BACH2: variants seen among roughly 807,000 people sequenced by gnomAD.
The protein encoded by BACH2 is BACH transcriptional regulator 2, also known as transcription regulator protein BACH2.
A neutral mutation model predicts 61.8 loss-of-function variants in BACH2; 5 were observed. The observed-to-expected ratio is 0.08, with a 90% CI of 0.04 to 0.17. The LOEUF is 0.17. Among genes scored for constraint, BACH2 ranks in the 10% least tolerant of loss-of-function variants. The probability of loss-of-function intolerance (pLI) is 1.00; values close to 1 mark genes in which losing one functional copy is unlikely to be tolerated. For synonymous variants in BACH2, 446 were observed against 440.1 expected (o/e 1.01, Z -0.17); for missense variants, 824 against 1,091.1 (o/e 0.76, Z 3.45).
chr6:90,240,036 A>G (rs1310569820), intron 3 of BACH2, among the ~76,000 whole-genome samples: 2 of 152,164 alleles, frequency 1.3e-5, no homozygotes, highest in African/African-American at 2.4e-5. Context: ...CTACTTCTAT[A>G]TTGTTACAGA....
chr6:90,204,193 G>C (rs929339837), intron 4 of BACH2, among the ~76,000 whole-genome samples: 1 of 152,154 alleles, frequency 6.6e-6, no homozygotes, highest in Non-Finnish European at 1.5e-5. Context: ...CTGGGATTTA[G>C]GAAGAAAGGA....
chr6:90,150,358 A>G (rs1784773165), intron 4 of BACH2, among the ~76,000 whole-genome samples: 2 of 152,230 alleles, frequency 1.3e-5, no homozygotes, highest in Admixed American at 1.3e-4. Context: ...GGAGCCTCAG[A>G]GTCTACTGAG....
chr6:90,091,562 A>G (rs1052208521), intron 4 of BACH2, among the ~76,000 whole-genome samples: 2 of 152,154 alleles, frequency 1.3e-5, no homozygotes, highest in Non-Finnish European at 2.9e-5. Context: ...ATGTATATTT[A>G]ACCTTACAGG....
rs536244978 is a variant in BACH2, at chr6:90,164,865, G to A, written c.-162+41704C>T. Among the ~76,000 whole-genome samples the A allele has an allele frequency of 1.8e-3, 278 of 152,050 alleles. 1 individual carries two copies. Among genetic ancestry groups the A allele is most frequent in the African/African-American group, 6.1e-3 (253 of 41,490 alleles). The stretch of plus-strand genomic sequence containing the variant: ...AAGGCCTTTGACAAAATTCAACAAC[G>A]CTTCATGCTAAAAACTCTCAATAAA... On this transcript the variant is annotated intron_variant, in intron 4 of 8. Coordinates refer to ENST00000257749, the MANE Select transcript of BACH2 (RefSeq NM_021813.4).
intron 5 of BACH2, among the ~76,000 whole-genome samples, chr6:90,069,690 G>T (rs566537379): frequency 3.3e-5 from 5 of 152,314 alleles, no homozygotes; most frequent in South Asian, 4.1e-4. Flanking sequence ...GAACAAGGAA[G>T]TTATGGAGAA....
rs368176638 is a variant in BACH2 at position 89,951,360 on chromosome 6, C to T, written c.746G>A (p.Ser249Asn). Residue 249 changes from serine to asparagine, a missense_variant, in exon 7 of 9, where the codon AGT becomes AAT. By Grantham distance (46) the Ser-to-Asn change is conservative. Around this residue, in one of 8 missense-constraint regions of BACH2, gnomAD observed 226 missense variants for 228.5 expected, o/e 0.99. Coordinates refer to ENST00000257749, the MANE Select transcript of BACH2 (RefSeq NM_021813.4). The surrounding 1 kb of genome is among the most constrained non-coding windows in gnomAD (Gnocchi z 6.4). ...GAATGTGCTTGCAAAACCTGAGGTA[C>T]TGTGTGATGATGCATTATAGACATT... ...TKNVYNASSH[S>N]TSGFASTFRE... 2 of 1,614,114 alleles carry T rather than the reference C, an allele frequency of 1.2e-6. No homozygotes were observed. Among genetic ancestry groups the T allele is most frequent in the Non-Finnish European group, 1.7e-6 (2 of 1,180,044 alleles).
chr6:90,259,953 C>A (rs1287780342), intron 2 of BACH2, among the ~76,000 whole-genome samples: 1 of 149,682 alleles, frequency 6.7e-6, no homozygotes, highest in Admixed American at 6.6e-5. Context: ...TTTCTTTTTT[C>A]TTTGTTAGAC....
At chr6:90,193,991 G>A (rs567421632) in intron 4 of BACH2, among the ~76,000 whole-genome samples, 1 of 152,152 alleles carries the variant, frequency 6.6e-6, no homozygotes, top group African/African-American at 2.4e-5. Flanking sequence ...AATAGAAGTA[G>A]AATTTCCTCA....
At chr6:90,169,113 G>C (rs965462318) in intron 4 of BACH2, among the ~76,000 whole-genome samples, 1 of 151,640 alleles carries the variant, frequency 6.6e-6, no homozygotes, top group Non-Finnish European at 1.5e-5. Flanking sequence ...ACAGTTTGGA[G>C]CTGCAGGTAT....
intron 3 of BACH2, among the ~76,000 whole-genome samples, chr6:90,218,930 T>TGC (rs1431995519): frequency 6.6e-6 from 1 of 150,468 alleles, no homozygotes; most frequent in African/African-American, 2.5e-5. Context: ...CGTGTGTGTG[T>TGC]GTGTGTGTGT....
intron 3 of BACH2, among the ~76,000 whole-genome samples, chr6:90,207,719 T>C (rs778386003): frequency 6.6e-6 from 1 of 152,202 alleles, no homozygotes; most frequent in Non-Finnish European, 1.5e-5. Context: ...TAGAAAATGT[T>C]CAACAGGAAA....
chr6:89,995,857 A>G (rs1776817545), intron 6 of BACH2, among the ~76,000 whole-genome samples: 1 of 152,234 alleles, frequency 6.6e-6, no homozygotes, highest in Non-Finnish European at 1.5e-5. Flanking sequence ...AAGGTAATTT[A>G]GGGAGCAACT....
At position 89,932,653 on chromosome 6, in the gene BACH2, C is replaced by T. The variant is rs374620073; in HGVS notation, c.2281G>A (p.Ala761Thr). Residue 761 changes from alanine to threonine, a missense_variant, in exon 9 of 9, where the codon GCA becomes ACA. Transcript: ENST00000257749. ...AEQNIAASQC[A>T]VGENVPCCLE... The stretch of plus-strand genomic sequence containing the variant: ...CAGCAGGGCACGTTTTCCCCCACTG[C>T]GCATTGGGAGGCCGCAATGTTCTGC... The T allele has an allele frequency of 1.2e-5, 19 of 1,614,138 alleles. No individual in the cohort carries two copies. Among genetic ancestry groups the T allele is most frequent in the East Asian group, 6.7e-5 (3 of 44,860 alleles).
At position 89,950,585 on chromosome 6, in the gene BACH2, G is replaced by A; in HGVS notation, c.1521C>T (p.Cys507=). ...TGGTCTCCAAGGGGGGTGAGCGAGG[G>A]CAGACTTTGATTGGTACCGGGCAGC... The part of the protein sequence containing the change: ...NTSCPVPIKV[C]PRSPPLETRT... The change falls in exon 7 of 9, where the codon TGC becomes TGT. Residue 507 remains cysteine, a synonymous_variant. Coordinates refer to ENST00000257749, the MANE Select transcript of BACH2 (RefSeq NM_021813.4). The surrounding 1 kb of genome is among the most constrained non-coding windows in gnomAD (Gnocchi z 5.3). 6.2e-7 allele frequency: 1 copy of A among 1,611,880 alleles called. No individual in the cohort carries two copies. The highest frequency in any genetic ancestry group is 2.2e-5 in the East Asian group (1 of 44,832).
At position 90,296,494 on chromosome 6, in the gene BACH2, T is replaced by G. The variant is rs894557608; in HGVS notation, c.-460A>C. The stretch of plus-strand genomic sequence containing the variant: ...CCGGGACTCACCTCGCCGGAGAACT[T>G]TGCGTCCTTTTCCGCCTCCTCTTCC... On this transcript the variant is annotated 5_prime_UTR_variant, in exon 1 of 9. Transcript: ENST00000257749. 6.6e-6 allele frequency: 1 copy of G among 151,092 alleles called. No individual in the cohort carries two copies. Among genetic ancestry groups the G allele is most frequent in the Non-Finnish European group, 1.5e-5 (1 of 67,586 alleles). The allele number at this position is 151,092 out of a possible 1,614,324, so 9.4% of individuals were successfully genotyped here.
chr6:90,095,084 C>A (rs1407601287), intron 4 of BACH2, among the ~76,000 whole-genome samples: 3 of 152,134 alleles, frequency 2.0e-5, no homozygotes, highest in Non-Finnish European at 4.4e-5. Context: ...TGGTAACAAA[C>A]ATCTTGAGAG....
intron 5 of BACH2, among the ~76,000 whole-genome samples, chr6:90,063,866 AATG>A (rs1780811742): frequency 6.6e-6 from 1 of 152,122 alleles, no homozygotes; most frequent in African/African-American, 2.4e-5. Flanking sequence ...TTTTTCATCT[AATG>A]ATATTTCAGA....
chr6:90,164,873 C>G (rs555929369), intron 4 of BACH2, among the ~76,000 whole-genome samples: 3,827 of 152,250 alleles, frequency 0.025, 81 homozygotes, highest in East Asian at 0.088. Flanking sequence ...ACGCTTCATG[C>G]TAAAAACTCT....
chr6:89,939,594 C>T (rs1307204997), intron 7 of BACH2, among the ~76,000 whole-genome samples: 1 of 150,660 alleles, frequency 6.6e-6, no homozygotes, highest in Non-Finnish European at 1.5e-5. Flanking sequence ...AAAGCGAGGA[C>T]AGCAGTCTCC....
Sources: allele counts gnomAD v4.1 joint callset (sites outside exome capture counted in the v4.1 genomes callset), GRCh38; gene constraint gnomAD v4.1.1; regional missense constraint gnomAD v4.1.1; non-coding constraint Gnocchi (gnomAD v3.1); transcripts MANE v1.5; gene names NCBI Gene and HGNC (gene_info 2026-07-23, HGNC 2026-07-21).